The following XPNPEP3 variants were observed in gnomAD, a reference collection of about 807,000 sequenced individuals.
XPNPEP3 encodes the protein xaa-Pro aminopeptidase 3.
A neutral mutation model predicts 60.0 loss-of-function variants in XPNPEP3; 41 were observed. The ratio of observed to expected loss-of-function variants is 0.68; its 90% CI spans 0.53 to 0.89. XPNPEP3 has a LOEUF of 0.89. Among genes scored for constraint, XPNPEP3 ranks in the 40% least tolerant of loss-of-function variants. The probability of loss-of-function intolerance (pLI) is 0.00; values close to 1 mark genes in which losing one functional copy is unlikely to be tolerated. For missense variants in XPNPEP3, 598 were observed against 638.9 expected, an observed-to-expected ratio of 0.94 and a Z score of 0.69; for synonymous variants, 212 against 223.2, an observed-to-expected ratio of 0.95 and a Z score of 0.45.
chr22:40,868,978 T>C (rs1360107839), intron 1 of XPNPEP3, 21 bp from the exon 2 acceptor site: 9 of 1,575,198 alleles, frequency 5.7e-6, no homozygotes, highest in Non-Finnish European at 7.9e-6. Flanking sequence ...TTTCATTTCA[T>C]TCTCTTTATT....
At chr22:40,861,970 C>T (rs778100565) in intron 1 of XPNPEP3, 5 of 1,602,544 alleles carry the variant, frequency 3.1e-6, no homozygotes, top group Non-Finnish European at 3.4e-6. Flanking sequence ...CTTTGCAGTC[C>T]TAGAACTTCA....
intron 1 of XPNPEP3, among the ~76,000 whole-genome samples, chr22:40,857,915 C>T (rs978639077): frequency 6.6e-6 from 1 of 152,132 alleles, no homozygotes; most frequent in African/African-American, 2.4e-5. Context: ...TATTTGACAT[C>T]AAAGCTATGT....
chr22:40,908,223 A>T (rs2058163690), intron 5 of XPNPEP3, among the ~76,000 whole-genome samples: 1 of 151,108 alleles, frequency 6.6e-6, no homozygotes, highest in Admixed American at 6.6e-5. Flanking sequence ...TTTCAAAAAA[A>T]AAAAAAGAGG....
Position 40,862,262 on chromosome 22 carries a change from C to G in XPNPEP3, c.64+5017C>G, listed in dbSNP as rs1046838686. The G allele has an allele frequency of 5.2e-6, 6 of 1,156,316 alleles. No homozygotes were observed. The Admixed American group carries it at 2.7e-4, about 53-fold the overall frequency. 71.6% of individuals were successfully genotyped at this position (1,156,316 alleles called of 1,614,324 possible). A position where few individuals can be genotyped will look rare whatever the true frequency, so the allele number is the denominator to read the frequency against. ...CTTCCAAATAGAGCTAGTCCAGAGT[C>G]GTACCAGACCATCCTGAATCCTCTG... is the stretch of plus-strand genomic sequence containing the variant. On this transcript the variant is annotated intron_variant, in intron 1 of 9. Coordinates refer to ENST00000357137, the MANE Select transcript of XPNPEP3 (RefSeq NM_022098.4).
intron 4 of XPNPEP3, among the ~76,000 whole-genome samples, chr22:40,893,134 A>G (rs1231840170): frequency 6.8e-6 from 1 of 147,470 alleles, no homozygotes; most frequent in East Asian, 1.9e-4. Context: ...TATATATTGT[A>G]TATTATATAT....
At chr22:40,889,014 T>TTTTTGTTTTG (rs540777419) in intron 4 of XPNPEP3, among the ~76,000 whole-genome samples, 2 of 151,980 alleles carry the variant, frequency 1.3e-5, no homozygotes, top group African/African-American at 4.8e-5. Context: ...AATGGTTTTT[T>TTTTTGTTTTG]TTTTGTTTTG....
intron 3 of XPNPEP3, among the ~76,000 whole-genome samples, chr22:40,884,556 A>T (rs1256171287): frequency 1.4e-5 from 2 of 147,466 alleles, no homozygotes; most frequent in Admixed American, 6.7e-5. Context: ...CTGGTCTCGA[A>T]CTCCTGACCT....
At chr22:40,908,270 A>T (rs2058163934) in intron 5 of XPNPEP3, among the ~76,000 whole-genome samples, 2 of 151,398 alleles carry the variant, frequency 1.3e-5, no homozygotes, top group African/African-American at 4.9e-5. Flanking sequence ...CTGTAATTCC[A>T]TTACTTTGGA....
intron 4 of XPNPEP3, among the ~76,000 whole-genome samples, chr22:40,893,262 C>T (rs1007683058): frequency 9.3e-5 from 14 of 150,520 alleles, no homozygotes; most frequent in African/African-American, 3.2e-4. Context: ...AATCCCAGCA[C>T]TTTGGGAGGC....
At position 40,927,772 on chromosome 22, in the gene XPNPEP3, G is replaced by A. The variant is rs1426255948; in HGVS notation, c.*1337G>A. On this transcript the variant is annotated 3_prime_UTR_variant, in exon 10 of 10. Coordinates refer to ENST00000357137, the MANE Select transcript of XPNPEP3 (RefSeq NM_022098.4). ...TGCCTGTAGTCCCAGCTACTCAGGA[G>A]GCTGAGGCAGGAGAATGGCGTGAAC... 1 of 151,362 alleles carries A rather than the reference G, an allele frequency of 6.6e-6. No individual in the cohort carries two copies. The highest frequency in any genetic ancestry group is 6.6e-5 in the Admixed American group (1 of 15,176). 9.4% of individuals were successfully genotyped at this position (151,362 alleles called of 1,614,324 possible). A position where few individuals can be genotyped will look rare whatever the true frequency, so the allele number is the denominator to read the frequency against.
At chr22:40,883,403 G>A (rs978864647) in intron 3 of XPNPEP3, among the ~76,000 whole-genome samples, 10 of 151,924 alleles carry the variant, frequency 6.6e-5, no homozygotes, top group Non-Finnish European at 1.2e-4. Context: ...ACCCAGGTTG[G>A]GATGTAGGTA....
intron 2 of XPNPEP3, among the ~76,000 whole-genome samples, chr22:40,875,354 G>A (rs1184271499): frequency 6.6e-6 from 1 of 152,026 alleles, no homozygotes; most frequent in African/African-American, 2.4e-5. Context: ...AATTTTTGTA[G>A]AGATGGGATC....
At chr22:40,862,747 G>T (rs983115769) in intron 1 of XPNPEP3, 3 of 985,298 alleles carry the variant, frequency 3.0e-6, no homozygotes, top group Non-Finnish European at 3.6e-6. Flanking sequence ...TGTAATTAAA[G>T]ATTTGGAAAG....
chr22:40,906,258 GA>G (rs2058155249), intron 4 of XPNPEP3, among the ~76,000 whole-genome samples: 1 of 151,768 alleles, frequency 6.6e-6, no homozygotes, highest in East Asian at 1.9e-4. Context: ...TAAAAATTAT[GA>G]AAAATTTAAA....
At chr22:40,912,308 G>T (rs1231650004) in intron 6 of XPNPEP3, among the ~76,000 whole-genome samples, 2 of 151,958 alleles carry the variant, frequency 1.3e-5, no homozygotes, top group Admixed American at 6.6e-5. Context: ...GGAATTGCTG[G>T]GTCATAGGAT....
intron 1 of XPNPEP3, chr22:40,860,661 T>C: frequency 7.7e-7 from 1 of 1,306,516 alleles, no homozygotes; most frequent in Non-Finnish European, 1.0e-6. Context: ...AATTCCTTTT[T>C]TTTTTTTTTA....
Position 40,930,007 on chromosome 22 carries a change from T to A in XPNPEP3, c.*3572T>A, listed in dbSNP as rs1028377988. ...TGGGACTTGAAGACTTACCATAGTT[T>A]TCAACTGCCTTTGCAAGTTCATAAA... is the stretch of plus-strand genomic sequence containing the variant. On this transcript the variant is annotated 3_prime_UTR_variant, in exon 10 of 10. Coordinates refer to ENST00000357137, the MANE Select transcript of XPNPEP3 (RefSeq NM_022098.4). 6.6e-6 allele frequency: 1 copy of A among 152,168 alleles called. No individual in the cohort carries two copies. The highest frequency in any genetic ancestry group is 2.4e-5 in the African/African-American group (1 of 41,456). The allele number at this position is 152,168 out of a possible 1,614,324, so 9.4% of individuals were successfully genotyped here.
At chr22:40,922,863 A>G (rs937793207) in intron 8 of XPNPEP3, among the ~76,000 whole-genome samples, 4 of 152,182 alleles carry the variant, frequency 2.6e-5, no homozygotes, top group Non-Finnish European at 5.9e-5. Context: ...TAGCTTTAAC[A>G]TGGATTAAAA....
At position 40,914,326 on chromosome 22, in the gene XPNPEP3, T is replaced by TA; in HGVS notation, c.1055+3dup. ...ACGTACGTGGCCAGTCAATGGCAGGTAGGGCTTCTACAGAGTAACGTATCC... is the reference window on the plus strand; with the variant it reads ...ACGTACGTGGCCAGTCAATGGCAGGTAAGGGCTTCTACAGAGTAACGTATCC... On this transcript the variant is annotated splice_region_variant and intron_variant, in intron 7 of 9. Transcript: ENST00000357137. 6.2e-7 allele frequency: 1 copy of TA among 1,613,404 alleles called. No individual in the cohort carries two copies. Among genetic ancestry groups the TA allele is most frequent in the Non-Finnish European group, 8.5e-7 (1 of 1,179,488 alleles).
Sources: gnomAD v4.1 joint callset for allele counts (sites outside exome capture counted in the v4.1 genomes callset) on GRCh38, gnomAD v4.1.1 for gene constraint, MANE v1.5 for transcripts, NCBI Gene and HGNC (gene_info 2026-07-23, HGNC 2026-07-21) for gene names.